The following XPO4 variants were observed in gnomAD, a reference collection of about 807,000 sequenced individuals.
The protein encoded by XPO4 is exportin 4, also known as exportin-4.
A neutral mutation model predicts 143.0 loss-of-function variants in XPO4; 39 were observed. The observed-to-expected ratio is 0.27, with a 90% CI of 0.21 to 0.36. The LOEUF is 0.36. Ranked by LOEUF, XPO4 falls within the 10% of genes least tolerant of loss-of-function variation. The pLI, the probability that XPO4 is intolerant of heterozygous loss-of-function variation, is 1.00. For synonymous variants in XPO4, 439 were observed against 474.0 expected (o/e 0.93, Z 0.96); for missense variants, 907 against 1,348.0 (o/e 0.67, Z 5.12).
Position 20,788,572 on chromosome 13 carries a change from G to A in XPO4, c.2961C>T (p.Ile987=). Residue 987 remains isoleucine, a synonymous_variant, in exon 20 of 23, where the codon ATC becomes ATT. Transcript: ENST00000255305. ...GTATTTTTTCAGGAAAAATCTCACA[G>A]ATAAATGTGATTAATTTGTAGTACT... The part of the protein sequence containing the change: ...CNQYYKLITF[I]CEIFPEKIPQ... 6.2e-7 allele frequency: 1 copy of A among 1,612,086 alleles called. No homozygotes were observed. The highest frequency in any genetic ancestry group is 8.5e-7 in the Non-Finnish European group (1 of 1,179,072).
At chr13:20,887,002 G>A (rs1221202987) in intron 1 of XPO4, among the ~76,000 whole-genome samples, 6 of 151,918 alleles carry the variant, frequency 3.9e-5, no homozygotes, top group East Asian at 1.9e-4. Flanking sequence ...CCTGGGAGGC[G>A]GAGGTTGCAG....
chr13:20,829,080 G>A (rs1337070214), intron 6 of XPO4, among the ~76,000 whole-genome samples: 3 of 152,092 alleles, frequency 2.0e-5, no homozygotes, highest in Non-Finnish European at 4.4e-5. Flanking sequence ...TTCTGAGTAA[G>A]GCAATCAATT....
At chr13:20,902,427 T>C (rs1214191951) in intron 1 of XPO4, 3 of 985,230 alleles carry the variant, frequency 3.0e-6, no homozygotes, top group African/African-American at 1.7e-5. Flanking sequence ...CACCACTATA[T>C]TCCCACGCCC....
At chr13:20,818,854 C>T (rs1352440029) in intron 9 of XPO4, among the ~76,000 whole-genome samples, 1 of 150,566 alleles carries the variant, frequency 6.6e-6, no homozygotes, top group African/African-American at 2.4e-5. Flanking sequence ...GAGTTTCGTT[C>T]TTGTCACCCA....
At chr13:20,858,544 ACT>A (rs979955177) in intron 3 of XPO4, among the ~76,000 whole-genome samples, 1 of 152,024 alleles carries the variant, frequency 6.6e-6, no homozygotes, top group South Asian at 2.1e-4. Flanking sequence ...ACACAGCAAG[ACT>A]CTCTCTCTTA....
chr13:20,876,715 TA>T (rs1259386153), intron 1 of XPO4, among the ~76,000 whole-genome samples: 3 of 152,198 alleles, frequency 2.0e-5, no homozygotes, highest in African/African-American at 7.2e-5. Context: ...CACCATTAAG[TA>T]AAGTGAAAGA....
At chr13:20,839,279 AC>A (rs2059949758) in intron 6 of XPO4, among the ~76,000 whole-genome samples, 1 of 152,160 alleles carries the variant, frequency 6.6e-6, no homozygotes, top group Non-Finnish European at 1.5e-5. Flanking sequence ...GAAGCCAGTC[AC>A]AAAGGACCAC....
chr13:20,805,382 T>A (rs1238785330), intron 13 of XPO4, among the ~76,000 whole-genome samples: 2 of 152,130 alleles, frequency 1.3e-5, no homozygotes, highest in Non-Finnish European at 2.9e-5. Flanking sequence ...CCTTCTCTGT[T>A]TTCCCTCTAT....
In XPO4 at chr13:20,799,882, A is replaced by G. The variant is rs77517544; in HGVS notation, c.2147+274T>C. On this transcript the variant is annotated intron_variant, in intron 15 of 22. Coordinates refer to ENST00000255305, the MANE Select transcript of XPO4 (RefSeq NM_022459.5). ...CATATTCCACATAAAAGTGTTTGCA[A>G]CACGATAAATTACTAATGTGTTACT... 9.7e-3 allele frequency among the ~76,000 whole-genome samples: 1,482 copies of G among 152,330 alleles called. 25 individuals are homozygous for G. The highest frequency in any genetic ancestry group is 0.034 in the African/African-American group (1,425 of 41,570).
chr13:20,815,948 A>G (rs556247868), intron 9 of XPO4, among the ~76,000 whole-genome samples: 3 of 152,344 alleles, frequency 2.0e-5, no homozygotes, highest in South Asian at 4.1e-4. Context: ...CTTGCATGCA[A>G]TAACAGGAGA....
intron 3 of XPO4, among the ~76,000 whole-genome samples, chr13:20,858,880 C>CA (rs1265585207): frequency 7.1e-6 from 1 of 141,500 alleles, no homozygotes; most frequent in African/African-American, 2.6e-5. Context: ...CAAGAAAAAA[C>CA]AAAAAAAGAA....
At chr13:20,855,531 A>G in intron 4 of XPO4, 96 bp downstream of exon 4, 1 of 1,204,326 alleles carries the variant, frequency 8.3e-7, no homozygotes, top group Non-Finnish European at 1.1e-6. Flanking sequence ...CTTTTTCACT[A>G]TTTTTATGTA....
At position 20,799,320 on chromosome 13, in the gene XPO4, A is replaced by T. The variant is rs200051725; in HGVS notation, c.2167T>A (p.Cys723Ser). Residue 723 changes from cysteine (C) to serine (S), a missense_variant, in exon 16 of 23, where the codon TGT becomes AGT. By Grantham distance (112) the Cys-to-Ser change is moderately radical. Transcript: ENST00000255305. ...RRERANLVIQ[C>S]ENWWNLAKQF... Reference sequence around the variant, plus strand: ...TTAGCTAAATTCCACCAGTTCTCACATTGAATTACTAAGTTTGCCCTACAG... The same window carrying T: ...TTAGCTAAATTCCACCAGTTCTCACTTTGAATTACTAAGTTTGCCCTACAG... 2.9e-5 allele frequency: 46 copies of T among 1,613,642 alleles called. No homozygotes were observed. In the African/African-American group the frequency reaches 5.9e-4, roughly 21 times the overall value.
chr13:20,822,681 A>G (rs1442351952), intron 7 of XPO4, among the ~76,000 whole-genome samples: 1 of 152,234 alleles, frequency 6.6e-6, no homozygotes, highest in East Asian at 1.9e-4. Context: ...TTCAATAAAG[A>G]GTATATAGAT....
In XPO4 at chr13:20,857,555, G is replaced by A. The variant is rs183391493; in HGVS notation, c.318-1790C>T. Among the ~76,000 whole-genome samples, 502 of 151,446 alleles carry A rather than the reference G, an allele frequency of 3.3e-3. 1 individual carries two copies. Among genetic ancestry groups the A allele is most frequent in the African/African-American group, 0.012 (484 of 41,312 alleles). On this transcript the variant is annotated intron_variant, in intron 3 of 22. Coordinates refer to ENST00000255305, the MANE Select transcript of XPO4 (RefSeq NM_022459.5). ...ATCCTGGCTAACACGGTGAAACCCC[G>A]TCTCTACTAAAAAAAAAAAAAATTA...
At chr13:20,895,525 G>A (rs547571937) in intron 1 of XPO4, among the ~76,000 whole-genome samples, 8 of 151,876 alleles carry the variant, frequency 5.3e-5, no homozygotes, top group Admixed American at 1.3e-4. Flanking sequence ...CTAGCTACTC[G>A]GGAGGCTGAG....
At chr13:20,833,540 TG>T (rs2059878142) in intron 6 of XPO4, among the ~76,000 whole-genome samples, 1 of 152,048 alleles carries the variant, frequency 6.6e-6, no homozygotes, top group South Asian at 2.1e-4. Flanking sequence ...TTTTAAAATT[TG>T]TATTTTTTTA....
intron 20 of XPO4, among the ~76,000 whole-genome samples, chr13:20,787,836 C>T (rs1048131209): frequency 3.9e-5 from 6 of 152,056 alleles, no homozygotes; most frequent in East Asian, 1.9e-4. Flanking sequence ...TTTCAGTTTA[C>T]GATACATACA....
At chr13:20,804,485 T>C (rs879663128) in intron 13 of XPO4, among the ~76,000 whole-genome samples, 2 of 151,174 alleles carry the variant, frequency 1.3e-5, no homozygotes, top group Non-Finnish European at 3.0e-5. Context: ...GCTTATGCTA[T>C]TGTCACTGCC....
Sources: gnomAD v4.1 joint callset for allele counts (sites outside exome capture counted in the v4.1 genomes callset) on GRCh38, gnomAD v4.1.1 for gene constraint, MANE v1.5 for transcripts, NCBI Gene and HGNC (gene_info 2026-07-23, HGNC 2026-07-21) for gene names.